ELOA: variants seen among roughly 807,000 people sequenced by gnomAD.
The protein encoded by ELOA is elongin-A.
Under a neutral mutation model 85.2 loss-of-function variants are expected in ELOA, and 15 were observed. That is an observed-to-expected ratio of 0.18 (90% CI 0.12 to 0.27). The LOEUF (loss-of-function observed/expected upper bound fraction) is 0.27. Ranked by LOEUF, ELOA falls within the 10% of genes least tolerant of loss-of-function variation. ELOA has a pLI of 1.00. For missense variants in ELOA, 769 were observed against 952.7 expected, an observed-to-expected ratio of 0.81 and a Z score of 2.54; for synonymous variants, 348 against 357.2, an observed-to-expected ratio of 0.97 and a Z score of 0.29.
chr1:23,747,674 T>C (rs897306951), intron 1 of ELOA, among the ~76,000 whole-genome samples: 5 of 152,174 alleles, frequency 3.3e-5, no homozygotes, highest in African/African-American at 1.2e-4. Flanking sequence ...TGGATGATGG[T>C]GGTGATAGGA....
In ELOA at chr1:23,743,515, G is replaced by C; in HGVS notation, c.12G>C (p.Glu4Asp). Residue 4 changes from glutamate (E) to aspartate (D), a missense_variant, in exon 1 of 11, where the codon GAG becomes GAC. Physicochemically the swap from Glu to Asp is conservative, Grantham distance 45 (BLOSUM62 2). Around this residue, in one of 4 missense-constraint regions of ELOA, gnomAD observed 440 missense variants for 474.0 expected, o/e 0.93. Coordinates refer to ENST00000613537, the MANE Select transcript of ELOA (RefSeq NM_003198.3). Reference protein sequence around the residue: MAAESALQVVEKLQ... With the variant: MAADSALQVVEKLQ... ...CGCCAGTGACAGCGATGGCGGCGGAGTCGGCGCTCCAAGTTGTGGAGAAGC... is the reference window on the plus strand; with the variant it reads ...CGCCAGTGACAGCGATGGCGGCGGACTCGGCGCTCCAAGTTGTGGAGAAGC... 2 of 1,504,518 alleles carry C rather than the reference G, an allele frequency of 1.3e-6. No homozygotes were observed. The highest frequency in any genetic ancestry group is 1.8e-6 in the Non-Finnish European group (2 of 1,131,990). 93.2% of individuals were successfully genotyped at this position (1,504,518 alleles called of 1,614,324 possible). A position where few individuals can be genotyped will look rare whatever the true frequency, so the allele number is the denominator to read the frequency against.
At chr1:23,759,315 C>T (rs1025500692) in intron 10 of ELOA, among the ~76,000 whole-genome samples, 197 bp from the exon 11 acceptor site, 3 of 152,232 alleles carry the variant, frequency 2.0e-5, no homozygotes, top group African/African-American at 7.2e-5. Context: ...TGGTCATGCC[C>T]CTGGCAGGTC....
chr1:23,752,054 G>T (rs377418056), intron 4 of ELOA, 24 bp downstream of exon 4: 12 of 1,563,360 alleles, frequency 7.7e-6, no homozygotes, highest in Admixed American at 2.1e-5. Flanking sequence ...CCCCTTGGTG[G>T]CTTCCCACCC....
chr1:23,753,117 T>C (rs1373740619), intron 5 of ELOA, among the ~76,000 whole-genome samples: 2 of 152,136 alleles, frequency 1.3e-5, no homozygotes, highest in Non-Finnish European at 2.9e-5. Context: ...ATCACTGCAC[T>C]CTAGCTTGGG....
intron 3 of ELOA, among the ~76,000 whole-genome samples, chr1:23,750,494 C>G (rs1644765160): frequency 6.6e-6 from 1 of 152,122 alleles, no homozygotes; most frequent in South Asian, 2.1e-4. Context: ...ATGTTTCTTT[C>G]TAACTGCTCC....
intron 10 of ELOA, among the ~76,000 whole-genome samples, chr1:23,758,997 G>A (rs60189071): frequency 0.028 from 4,226 of 152,224 alleles, 178 homozygotes; most frequent in African/African-American, 0.095. Context: ...CTTGAGCCCA[G>A]GAGATCGAGA....
chr1:23,749,978 A>G (rs748827653), intron 3 of ELOA, 30 bp downstream of exon 3: 2 of 1,549,002 alleles, frequency 1.3e-6, no homozygotes, highest in Non-Finnish European at 1.8e-6. Context: ...GGTTTGTTCA[A>G]TTTCATGGTT....
At chr1:23,759,382 A>G in intron 10 of ELOA, 130 bp from the exon 11 acceptor site, 1 of 822,408 alleles carries the variant, frequency 1.2e-6, no homozygotes, top group Non-Finnish European at 2.0e-6. Context: ...CAGAGGAGAT[A>G]GTTACTACTT....
chr1:23,745,899 A>G (rs1271177028), intron 1 of ELOA, among the ~76,000 whole-genome samples: 1 of 152,100 alleles, frequency 6.6e-6, no homozygotes, highest in African/African-American at 2.4e-5. Context: ...TCACTTTTTC[A>G]TCTGTTATCT....
At chr1:23,747,251 A>G (rs1443054338) in intron 1 of ELOA, among the ~76,000 whole-genome samples, 1 of 152,202 alleles carries the variant, frequency 6.6e-6, no homozygotes, top group Non-Finnish European at 1.5e-5. Context: ...TAAGAAGTAT[A>G]TGTGCTGCCG....
At chr1:23,748,901 C>T (rs1320533253) in intron 1 of ELOA, 120 bp from the exon 2 acceptor site, 2 of 718,552 alleles carry the variant, frequency 2.8e-6, no homozygotes, top group African/African-American at 3.6e-5. Context: ...TTACTTACTA[C>T]TGTAAATAGG....
At chr1:23,754,005 T>A in intron 5 of ELOA, 95 bp from the exon 6 acceptor site, 1 of 1,452,356 alleles carries the variant, frequency 6.9e-7, no homozygotes, top group Non-Finnish European at 9.3e-7. Flanking sequence ...GTAGCGTGGA[T>A]TGCCATTGGG....
chr1:23,749,759 T>G, intron 2 of ELOA, 83 bp from the exon 3 acceptor site: 2 of 1,202,460 alleles, frequency 1.7e-6, no homozygotes, highest in South Asian at 1.4e-5. Flanking sequence ...TTGTTGAGTT[T>G]CTCAAAGTAG....
At position 23,751,084 on chromosome 1, in the gene ELOA, G is replaced by A. The variant is rs1644768193; in HGVS notation, c.479G>A (p.Arg160Lys). Residue 160 changes from arginine (R) to lysine (K), a missense_variant, in exon 4 of 11, where the codon AGA becomes AAA. Arg to Lys is a conservative substitution (Grantham distance 26, BLOSUM62 2). This residue lies in a region of ELOA where 440 missense variants were observed against 474.0 expected (regional missense o/e 0.93). Transcript: ENST00000613537. ...AGAGATGAGAGAAAGAGGTGTCACA[G>A]AATGTCACCAACTTACTCTTCAGAC... ...ERRDERKRCH[R>K]MSPTYSSDPE... is the part of the protein sequence containing the mutation. 6.2e-7 allele frequency: 1 copy of A among 1,614,084 alleles called. No individual in the cohort carries two copies. Among genetic ancestry groups the A allele is most frequent in the Admixed American group, 1.7e-5 (1 of 60,012 alleles).
chr1:23,745,570 C>T (rs912621409), intron 1 of ELOA, among the ~76,000 whole-genome samples: 11 of 149,554 alleles, frequency 7.4e-5, no homozygotes, highest in African/African-American at 2.7e-4. Context: ...CCCTGAACTT[C>T]TAGCTTTGCA....
chr1:23,752,576 G>C, intron 5 of ELOA, 58 bp downstream of exon 5: 1 of 1,515,648 alleles, frequency 6.6e-7, no homozygotes, highest in Non-Finnish European at 9.0e-7. Context: ...TTCATTCAAG[G>C]CAGGGTACAG....
intron 3 of ELOA, among the ~76,000 whole-genome samples, chr1:23,750,166 G>A (rs867367077): frequency 2.7e-4 from 25 of 92,596 alleles, no homozygotes; most frequent in South Asian, 1.3e-3. Flanking sequence ...ATTTTGGTAC[G>A]TTTCTTTTTT....
intron 8 of ELOA, 54 bp downstream of exon 8, chr1:23,756,077 A>G (rs1217771782): frequency 2.5e-6 from 4 of 1,585,720 alleles, no homozygotes; most frequent in East Asian, 2.2e-5. Flanking sequence ...GTTCTGGTCA[A>G]TAGCAGGGTG....
chr1:23,745,257 T>G (rs1230637045), intron 1 of ELOA, among the ~76,000 whole-genome samples: 2 of 152,364 alleles, frequency 1.3e-5, no homozygotes, highest in Admixed American at 6.5e-5. Context: ...GTCATTATTT[T>G]TTAGTACTAG....
Sources: gnomAD v4.1 joint callset for allele counts (sites outside exome capture counted in the v4.1 genomes callset) on GRCh38, gnomAD v4.1.1 for gene constraint, gnomAD v4.1.1 regional missense constraint, MANE v1.5 for transcripts, NCBI Gene and HGNC (gene_info 2026-07-23, HGNC 2026-07-21) for gene names.